Variants in PGAP6 observed in about 807,000 individuals in gnomAD.
The protein encoded by PGAP6 is post-GPI attachment to proteins factor 6.
A neutral mutation model predicts 68.4 loss-of-function variants in PGAP6; 62 were observed. That is an observed-to-expected ratio of 0.91 (90% confidence interval 0.74 to 1.12). The LOEUF is 1.12. PGAP6 is among the 50% of genes most tolerant of loss of function. PGAP6 has a pLI of 0.00. For synonymous variants in PGAP6, 575 were observed against 474.0 expected (o/e 1.21, Z -2.77); for missense variants, 1,188 against 1,068.5 (o/e 1.11, Z -1.56).
At position 376,704 on chromosome 16, in the gene PGAP6, C is replaced by T. The variant is rs758720023; in HGVS notation, c.744G>A (p.Leu248=). Residue 248 remains leucine, a synonymous_variant, in exon 5 of 13, where the codon CTG becomes CTA. Transcript: ENST00000431232. The stretch of plus-strand genomic sequence containing the variant: ...TGAGCACCTTCTGGAAGTTGCTAGG[C>T]AGGGTGACCGGGCCCACGGTGAGAC... The part of the protein sequence containing the change: ...PVRLTVGPVT[L]PSNFQKVLTC... 6.2e-7 allele frequency: 1 copy of T among 1,611,654 alleles called. No individual in the cohort carries two copies. The highest frequency in any genetic ancestry group is 2.2e-5 in the East Asian group (1 of 44,866).
rs773149207 is a variant in PGAP6 at position 377,387 on chromosome 16, G to T, written c.498C>A (p.Ile166=). Residue 166 remains isoleucine (I), a synonymous_variant, in exon 3 of 13, where the codon ATC becomes ATA. Transcript: ENST00000431232. The part of the protein sequence containing the change: ...AAHLPPSSQK[I]ELKGLAPTCA... ...GGGCAGCCCCCCTCACCTTCAACTCGATCTTCTGGGATGAGGGGGGCAGGT... is the reference window on the plus strand; with the variant it reads ...GGGCAGCCCCCCTCACCTTCAACTCTATCTTCTGGGATGAGGGGGGCAGGT... 2 of 1,595,230 alleles carry T rather than the reference G, an allele frequency of 1.3e-6. No homozygotes were observed. The highest frequency in any genetic ancestry group is 1.7e-6 in the Non-Finnish European group (2 of 1,169,718).
rs1226510888 is a variant in PGAP6, at chr16:370,971, T to G, written c.*1016A>C. 1.3e-5 allele frequency: 2 copies of G among 151,782 alleles called. No individual in the cohort carries two copies. The highest frequency in any genetic ancestry group is 1.9e-4 in the East Asian group (1 of 5,154). 9.4% of individuals were successfully genotyped at this position (151,782 alleles called of 1,614,324 possible). ...TCAAGTGCAGGGCGGCTGGGGGAGG[T>G]AAGACCTTCAGGAAGGCCATATCCC... is the stretch of plus-strand genomic sequence containing the variant. On this transcript the variant is annotated 3_prime_UTR_variant, in exon 13 of 13. Transcript: ENST00000431232.
upstream of PGAP6, among the ~76,000 whole-genome samples, chr16:386,024 A>T (rs926524308): frequency 1.5e-4 from 23 of 152,242 alleles, no homozygotes; most frequent in South Asian, 4.8e-3. Flanking sequence ...ACAGGGACGC[A>T]TCGTATTTCC....
intron 1 of PGAP6, among the ~76,000 whole-genome samples, chr16:380,395 C>G (rs1329596811): frequency 1.3e-5 from 2 of 148,926 alleles, no homozygotes; most frequent in African/African-American, 5.0e-5. Flanking sequence ...GAGATGGAGT[C>G]TCGCTCTGTT....
chr16:371,773 T>C lies in PGAP6; in HGVS notation c.*214A>G. ...GCCACTGCAGACAGCAGCTGGGATCTGCAGAGGGATCTCAGCAGCGAGCAG... is the reference window on the plus strand; with the variant it reads ...GCCACTGCAGACAGCAGCTGGGATCCGCAGAGGGATCTCAGCAGCGAGCAG... On this transcript the variant is annotated 3_prime_UTR_variant, in exon 13 of 13. Transcript: ENST00000431232. 1.8e-6 allele frequency: 1 copy of C among 568,038 alleles called. No individual in the cohort carries two copies. Among genetic ancestry groups the C allele is most frequent in the Non-Finnish European group, 3.1e-6 (1 of 318,928 alleles). 35.2% of individuals were successfully genotyped at this position (568,038 alleles called of 1,614,324 possible).
rs1277968041 is a variant in PGAP6 at position 381,731 on chromosome 16, G to A, written c.91C>T (p.Pro31Ser). 57 of 1,213,574 alleles carry A rather than the reference G, an allele frequency of 4.7e-5. No homozygotes were observed. Among genetic ancestry groups the A allele is most frequent in the Non-Finnish European group, 5.3e-5 (52 of 975,106 alleles). The allele number at this position is 1,213,574 out of a possible 1,614,324, so 75.2% of individuals were successfully genotyped here. The change falls in exon 1 of 13, where the codon CCT becomes TCT. Residue 31 changes from proline (P) to serine (S), a missense_variant. Coordinates refer to ENST00000431232, the MANE Select transcript of PGAP6 (RefSeq NM_021259.3). ...LLLLLLARPP[P>S]ASAGYSGKSE... ...TTCCCGCTGTAGCCGGCGGAGGCAGGCGGGGGCCGGGCAAGCAGCAGCAGC... is the reference window on the plus strand; with the variant it reads ...TTCCCGCTGTAGCCGGCGGAGGCAGACGGGGGCCGGGCAAGCAGCAGCAGC...
intron 1 of PGAP6, among the ~76,000 whole-genome samples, chr16:380,285 G>A (rs2054425758): frequency 1.3e-5 from 2 of 152,146 alleles, no homozygotes; most frequent in South Asian, 2.1e-4. Flanking sequence ...CCATGAACAC[G>A]GCTCACCGCA....
chr16:371,087 ACACT>A lies in PGAP6; in HGVS notation c.*896_*899del, dbSNP rs1176175523. 2.0e-5 allele frequency: 3 copies of A among 152,434 alleles called. No individual in the cohort carries two copies. The highest frequency in any genetic ancestry group is 6.5e-5 in the Admixed American group (1 of 15,302). 9.4% of individuals were successfully genotyped at this position (152,434 alleles called of 1,614,324 possible). Reference sequence around the variant, plus strand: ...CTCACTTCTCCAGGGCGGATCCGAGACACTCACAGGCCTCAGGGAGGGGCCAGGT... The same window carrying A: ...CTCACTTCTCCAGGGCGGATCCGAGACACAGGCCTCAGGGAGGGGCCAGGT... On this transcript the variant is annotated 3_prime_UTR_variant, in exon 13 of 13. Transcript: ENST00000431232.
chr16:379,006 C>T (rs550115093), intron 1 of PGAP6, among the ~76,000 whole-genome samples: 1 of 152,176 alleles, frequency 6.6e-6, no homozygotes, highest in Non-Finnish European at 1.5e-5. Context: ...GCCCTTGCGA[C>T]CTTGGGCATC....
At chr16:373,268 C>T (rs994120549) in intron 11 of PGAP6, among the ~76,000 whole-genome samples, 1 of 152,352 alleles carries the variant, frequency 6.6e-6, no homozygotes, top group Non-Finnish European at 1.5e-5. Context: ...TGGGGCAGTA[C>T]CCAGCCTGCA....
chr16:376,915 A>G (rs2054389747), intron 4 of PGAP6, 103 bp from the exon 5 acceptor site: 5 of 1,558,026 alleles, frequency 3.2e-6, no homozygotes, highest in African/African-American at 2.7e-5. Flanking sequence ...GGTGGGGGCC[A>G]GGCATCTGGA....
rs377120866 is a variant in PGAP6, at chr16:377,528, G to A, written c.357C>T (p.Asp119=). 141 of 1,593,722 alleles carry A rather than the reference G, an allele frequency of 8.8e-5. 1 individual carries two copies. In the South Asian group the frequency reaches 1.1e-3, roughly 13 times the overall value. Residue 119 remains aspartate (D), a synonymous_variant, in exon 3 of 13, where the codon GAC becomes GAT. Transcript: ENST00000431232. ...VINPLGTSFP[D]DTAVQPSFQV... ...GGAAGGAGGGCTGTACCGCGGTGTC[G>A]TCCGGGAAGCTGGTGCCCAGCGGGT... is the stretch of plus-strand genomic sequence containing the variant.
At chr16:373,569 C>A (rs1001332946) in intron 11 of PGAP6, among the ~76,000 whole-genome samples, 4 of 152,238 alleles carry the variant, frequency 2.6e-5, no homozygotes. Flanking sequence ...CTTTTCTTTT[C>A]TTTTGTCACC....
chr16:380,846 A>G (rs1466622558), intron 1 of PGAP6, among the ~76,000 whole-genome samples: 1 of 152,066 alleles, frequency 6.6e-6, no homozygotes, highest in East Asian at 1.9e-4. Context: ...GCACCGCATC[A>G]GCTGCCGGGC....
Position 377,375 on chromosome 16 carries a change from C to T in PGAP6, c.507+3G>A. ...CTCCATCCCGGAGGGCAGCCCCCCT[C>T]ACCTTCAACTCGATCTTCTGGGATG... On this transcript the variant is annotated splice_donor_region_variant and intron_variant, in intron 3 of 12. Transcript: ENST00000431232. 1 of 1,585,084 alleles carries T rather than the reference C, an allele frequency of 6.3e-7. No homozygotes were observed. Among genetic ancestry groups the T allele is most frequent in the Middle Eastern group, 1.9e-4 (1 of 5,210 alleles).
rs1163822798 is a variant in PGAP6 at position 374,807 on chromosome 16, G to C, written c.1525C>G (p.Leu509Val). The C allele has an allele frequency of 1.2e-6, 2 of 1,612,922 alleles. No individual in the cohort carries two copies. Among genetic ancestry groups the C allele is most frequent in the South Asian group, 2.2e-5 (2 of 91,088 alleles). The change falls in exon 9 of 13, where the codon CTC becomes GTC. Residue 509 changes from leucine (L) to valine (V), a missense_variant. Leu to Val is a conservative substitution (Grantham distance 32). Coordinates refer to ENST00000431232, the MANE Select transcript of PGAP6 (RefSeq NM_021259.3). ...AGGTAGCTGTGTCTGCGGAGCAGGA[G>C]GCACTGGCCATAGGGTCCACAATCG... ...LNDCGPYGQCLLLRRHSYLYA... is the reference protein window; with the variant it reads ...LNDCGPYGQCVLLRRHSYLYA...
upstream of PGAP6, among the ~76,000 whole-genome samples, chr16:385,007 AAT>A (rs2054472163): frequency 6.6e-6 from 1 of 151,782 alleles, no homozygotes; most frequent in African/African-American, 2.4e-5. Context: ...CTCTACTAAA[AAT>A]ATAAAAATTA....
chr16:372,331 G>A (rs2054342382), intron 12 of PGAP6, 48 bp from the exon 13 acceptor site: 4 of 1,557,528 alleles, frequency 2.6e-6, no homozygotes, highest in South Asian at 2.3e-5. Context: ...GGCCGCGGCT[G>A]CAGCTCCCAG....
Position 372,037 on chromosome 16 carries a change from G to A in PGAP6, c.2266C>T (p.His756Tyr). ...PWACSQKFPC[H>Y]YQICKNDREE... ...CGATCGTTCTTGCAGATCTGATAGT[G>A]GCAGGGGAATTTCTGCGAGCAGGCC... The change falls in exon 13 of 13, where the codon CAC becomes TAC. Residue 756 changes from histidine (H) to tyrosine (Y), a missense_variant. Physicochemically the swap from His to Tyr is moderately conservative, Grantham distance 83. Coordinates refer to ENST00000431232, the MANE Select transcript of PGAP6 (RefSeq NM_021259.3). 1.2e-6 allele frequency: 2 copies of A among 1,612,722 alleles called. No individual in the cohort carries two copies. The highest frequency in any genetic ancestry group is 1.7e-4 in the Middle Eastern group (1 of 6,058).
Sources: gnomAD v4.1 joint callset for allele counts (sites outside exome capture counted in the v4.1 genomes callset) on GRCh38, gnomAD v4.1.1 for gene constraint, MANE v1.5 for transcripts, NCBI Gene and HGNC (gene_info 2026-07-23, HGNC 2026-07-21) for gene names.